BCAR3: variants seen among roughly 807,000 people sequenced by gnomAD.
BCAR3 encodes the protein breast cancer anti-estrogen resistance protein 3.
In BCAR3, 37 loss-of-function variants were observed where a neutral mutation model predicts 80.1. The ratio of observed to expected loss-of-function variants is 0.46; its 90% CI spans 0.36 to 0.61. The LOEUF is 0.61. Among genes scored for constraint, BCAR3 ranks in the 20% least tolerant of loss-of-function variants. The pLI is 0.00. For synonymous variants in BCAR3, 389 were observed against 418.9 expected (o/e 0.93, Z 0.87); for missense variants, 978 against 1,068.2 (o/e 0.92, Z 1.18).
Position 93,567,291 on chromosome 1 carries a change from T to C in BCAR3, c.2287A>G (p.Arg763Gly). The C allele has an allele frequency of 6.2e-7, 1 of 1,614,052 alleles. No individual in the cohort carries two copies. Among genetic ancestry groups the C allele is most frequent in the Non-Finnish European group, 8.5e-7 (1 of 1,180,030 alleles). Reference protein sequence around the residue: ...AADSYRMNAERILAGFQPDEE... With the variant: ...AADSYRMNAEGILAGFQPDEE... ...ACCCATCTCTTACCTGCCAGGATCCTCTCAGCATTCATCCGGTAGCTGTCT... is the reference window on the plus strand; with the variant it reads ...ACCCATCTCTTACCTGCCAGGATCCCCTCAGCATTCATCCGGTAGCTGTCT... The change falls in exon 11 of 12, where the codon AGG becomes GGG. Residue 763 changes from arginine to glycine, a missense_variant. Coordinates refer to ENST00000260502, the MANE Select transcript of BCAR3 (RefSeq NM_003567.4).
chr1:93,733,010 C>A (rs944912509), intron 2 of BCAR3, among the ~76,000 whole-genome samples: 4 of 152,162 alleles, frequency 2.6e-5, no homozygotes, highest in African/African-American at 9.7e-5. Flanking sequence ...TCTGAGTCCC[C>A]CAGCAAAGAA....
At chr1:93,827,784 G>T (rs115735332) in intron 2 of BCAR3, among the ~76,000 whole-genome samples, 1,982 of 152,140 alleles carry the variant, frequency 0.013, 36 homozygotes, top group African/African-American at 0.046. Flanking sequence ...AAAGTATGTA[G>T]GGGAGAGAGA....
intron 3 of BCAR3, among the ~76,000 whole-genome samples, chr1:93,596,767 TC>T (rs1381374209): frequency 3.9e-5 from 6 of 152,330 alleles, no homozygotes; most frequent in African/African-American, 1.4e-4. Context: ...GGCATCTGAT[TC>T]CTTGTTTTTC....
chr1:93,730,634 T>C (rs940864079), intron 2 of BCAR3, among the ~76,000 whole-genome samples: 2 of 152,162 alleles, frequency 1.3e-5, no homozygotes, highest in Non-Finnish European at 2.9e-5. Context: ...TGTTAGATGC[T>C]CTACTTGAGG....
At chr1:93,788,465 CTT>C (rs573742629) in intron 2 of BCAR3, among the ~76,000 whole-genome samples, 293 of 152,220 alleles carry the variant, frequency 1.9e-3, no homozygotes, top group African/African-American at 6.6e-3. Context: ...TGTTCCAAGA[CTT>C]AGAACTCCTT....
intron 2 of BCAR3, among the ~76,000 whole-genome samples, chr1:93,845,137 C>T (rs1327351133): frequency 6.6e-6 from 1 of 151,946 alleles, no homozygotes; most frequent in Admixed American, 6.6e-5. Flanking sequence ...TTTTTATATA[C>T]GCATCTCAAC....
intron 3 of BCAR3, among the ~76,000 whole-genome samples, chr1:93,620,821 T>C (rs1011986697): frequency 6.6e-6 from 1 of 152,200 alleles, no homozygotes; most frequent in African/African-American, 2.4e-5. Flanking sequence ...GTGTCTGGTA[T>C]AGCTCCTCAG....
intron 3 of BCAR3, among the ~76,000 whole-genome samples, chr1:93,613,116 G>A (rs551333898): frequency 5.9e-5 from 9 of 152,280 alleles, no homozygotes; most frequent in East Asian, 1.9e-4. Flanking sequence ...AGGAATAAAC[G>A]AGGTCCGCAG....
At chr1:93,621,355 T>C (rs533885920) in intron 3 of BCAR3, among the ~76,000 whole-genome samples, 52 of 152,332 alleles carry the variant, frequency 3.4e-4, no homozygotes, top group Non-Finnish European at 6.0e-4. Context: ...CATGGGCCAC[T>C]AGAAACTGTA....
intron 2 of BCAR3, among the ~76,000 whole-genome samples, chr1:93,674,280 G>T (rs1648357611): frequency 6.6e-6 from 1 of 152,150 alleles, no homozygotes; most frequent in Non-Finnish European, 1.5e-5. Flanking sequence ...AAAAACTTCG[G>T]AGTCTCACTC....
At position 93,592,101 on chromosome 1, in the gene BCAR3, G is replaced by A. The variant is rs1674228018; in HGVS notation, c.486+164C>T. On this transcript the variant is annotated intron_variant, in intron 4 of 11. Transcript: ENST00000260502. The surrounding 1 kb of genome is among the most constrained non-coding windows in gnomAD (Gnocchi z 4.8). ...GTTCTTGACCTCAGCTCTTCCCAAGGTCTTCTTAGAGAAGGGTCTAAATGA... is the reference window on the plus strand; with the variant it reads ...GTTCTTGACCTCAGCTCTTCCCAAGATCTTCTTAGAGAAGGGTCTAAATGA... 1.0e-6 allele frequency: 1 copy of A among 989,960 alleles called. No homozygotes were observed. The highest frequency in any genetic ancestry group is 1.7e-5 in the South Asian group (1 of 58,274). The allele number at this position is 989,960 out of a possible 1,614,324, so 61.3% of individuals were successfully genotyped here.
chr1:93,785,591 G>A (rs541211000), intron 2 of BCAR3, among the ~76,000 whole-genome samples: 1 of 152,354 alleles, frequency 6.6e-6, no homozygotes, highest in East Asian at 1.9e-4. Context: ...ACAGGATTGT[G>A]AGAAGGATAA....
At chr1:93,565,238 G>GTAT in intron 11 of BCAR3, among the ~76,000 whole-genome samples, 1 of 152,040 alleles carries the variant, frequency 6.6e-6, no homozygotes, top group East Asian at 1.9e-4. Context: ...GCTAATTTTT[G>GTAT]TATTTTTAAC....
chr1:93,582,903 T>G lies in BCAR3; in HGVS notation c.1084A>C (p.Asn362His). The G allele has an allele frequency of 6.2e-7, 1 of 1,606,470 alleles. No individual in the cohort carries two copies. Among genetic ancestry groups the G allele is most frequent in the East Asian group, 2.2e-5 (1 of 44,830 alleles). Residue 362 changes from asparagine to histidine, a missense_variant, in exon 7 of 12, where the codon AAC (asparagine) becomes CAC (histidine). Coordinates refer to ENST00000260502, the MANE Select transcript of BCAR3 (RefSeq NM_003567.4). ...SSGVDTSPCP[N>H]SPVFRTGSEP... The stretch of plus-strand genomic sequence containing the variant: ...CTTCCCGTCCTGAACACAGGTGAGT[T>G]TGGGCAGGGGCTTGTGTCCACACCC...
At chr1:93,673,595 C>T (rs983923736) in intron 2 of BCAR3, among the ~76,000 whole-genome samples, 4 of 152,192 alleles carry the variant, frequency 2.6e-5, no homozygotes, top group African/African-American at 7.2e-5. Flanking sequence ...CTGATCTTCC[C>T]CAACAGGAAA....
intron 8 of BCAR3, among the ~76,000 whole-genome samples, chr1:93,574,266 G>T (rs1473078413): frequency 1.3e-5 from 2 of 152,220 alleles, no homozygotes; most frequent in Admixed American, 1.3e-4. Flanking sequence ...GACACTTCCA[G>T]AGCAGTATGC....
intron 2 of BCAR3, chr1:93,753,543 TAC>T (rs5776188): frequency 0.039 from 5,312 of 137,526 alleles, 143 homozygotes; most frequent in East Asian, 0.069. Flanking sequence ...TGCACGCGGG[TAC>T]ACACACACAC....
In BCAR3 at chr1:93,622,316, T is replaced by C. The variant is rs550947427; in HGVS notation, c.357+19988A>G. Among the ~76,000 whole-genome samples, 100 of 152,346 alleles carry C rather than the reference T, an allele frequency of 6.6e-4. 1 individual carries two copies. Among genetic ancestry groups the C allele is most frequent in the Non-Finnish European group, 1.1e-3 (77 of 68,026 alleles). On this transcript the variant is annotated intron_variant, in intron 3 of 11. Transcript: ENST00000260502. ...GGGATCAAACAGCTCTTAAAGTTAATGATTAAAACAACAACGAATCAGAAT... is the reference window on the plus strand; with the variant it reads ...GGGATCAAACAGCTCTTAAAGTTAACGATTAAAACAACAACGAATCAGAAT...
chr1:93,785,716 C>A (rs1286539217), intron 2 of BCAR3, among the ~76,000 whole-genome samples: 1 of 152,178 alleles, frequency 6.6e-6, no homozygotes, highest in Non-Finnish European at 1.5e-5. Context: ...ACAGGTTGTA[C>A]TTTCCAAAGA....
Sources: gnomAD v4.1 joint callset for allele counts (sites outside exome capture counted in the v4.1 genomes callset) on GRCh38, gnomAD v4.1.1 for gene constraint, Gnocchi (gnomAD v3.1) non-coding constraint, MANE v1.5 for transcripts, NCBI Gene and HGNC (gene_info 2026-07-23, HGNC 2026-07-21) for gene names.